Variants in UNC5D observed in about 807,000 individuals in gnomAD.
UNC5D encodes netrin receptor UNC5D.
Under a neutral mutation model 105.4 loss-of-function variants are expected in UNC5D, and 39 were observed. The ratio of observed to expected loss-of-function variants is 0.37; its 90% CI spans 0.29 to 0.48. The LOEUF is 0.48. Ranked by LOEUF, UNC5D falls within the 20% of genes least tolerant of loss-of-function variation. The pLI, the probability that UNC5D is intolerant of heterozygous loss-of-function variation, is 0.98. For synonymous variants in UNC5D, 452 were observed against 450.4 expected (o/e 1.00, Z -0.04); for missense variants, 991 against 1,202.4 (o/e 0.82, Z 2.60).
intron 1 of UNC5D, among the ~76,000 whole-genome samples, chr8:35,431,487 T>C (rs1276985778): frequency 6.6e-6 from 1 of 152,094 alleles, no homozygotes; most frequent in Non-Finnish European, 1.5e-5. Flanking sequence ...GCTCCTTAAG[T>C]AAACAAAAAA....
chr8:35,685,191 T>C (rs1376416951), intron 6 of UNC5D, among the ~76,000 whole-genome samples: 13 of 152,230 alleles, frequency 8.5e-5, no homozygotes, highest in Non-Finnish European at 1.5e-5. Flanking sequence ...AATAACTTTA[T>C]CAGTTCTAGC....
chr8:35,385,655 C>T (rs1396742718), intron 1 of UNC5D, among the ~76,000 whole-genome samples: 1 of 151,806 alleles, frequency 6.6e-6, no homozygotes, highest in Non-Finnish European at 1.5e-5. Flanking sequence ...TTAATGGAGA[C>T]GGGGTTTCAC....
chr8:35,744,406 C>T (rs1829907106), intron 11 of UNC5D, among the ~76,000 whole-genome samples: 1 of 152,128 alleles, frequency 6.6e-6, no homozygotes, highest in Non-Finnish European at 1.5e-5. Flanking sequence ...TAAACTTTCA[C>T]CCAATAGGTT....
chr8:35,510,585 A>G (rs1812639419), intron 1 of UNC5D, among the ~76,000 whole-genome samples: 1 of 152,116 alleles, frequency 6.6e-6, no homozygotes, highest in African/African-American at 2.4e-5. Flanking sequence ...CCCTGAGACC[A>G]AGAAATATTT....
At chr8:35,728,095 A>AAAAAAAAAAAAAAAAATATATAT (rs34672872) in intron 10 of UNC5D, among the ~76,000 whole-genome samples, 1 of 110,366 alleles carries the variant, frequency 9.1e-6, no homozygotes, top group African/African-American at 5.5e-5. Flanking sequence ...AAAAAAAAAA[A>AAAAAAAAAAAAAAAAATATATAT]ATATATATAT....
intron 3 of UNC5D, among the ~76,000 whole-genome samples, chr8:35,570,033 T>C (rs1817613706): frequency 6.6e-6 from 1 of 152,212 alleles, no homozygotes; most frequent in Admixed American, 6.5e-5. Flanking sequence ...GCGACTTGCC[T>C]GCTGGAAACT....
intron 1 of UNC5D, among the ~76,000 whole-genome samples, chr8:35,338,513 A>G (rs1383933524): frequency 6.6e-6 from 1 of 152,044 alleles, no homozygotes; most frequent in Non-Finnish European, 1.5e-5. Context: ...GCCAAGGAGA[A>G]GTAGGTGTAT....
intron 4 of UNC5D, among the ~76,000 whole-genome samples, chr8:35,630,179 T>TTA (rs747302704): frequency 2.0e-5 from 3 of 152,220 alleles, no homozygotes; most frequent in Non-Finnish European, 4.4e-5. Flanking sequence ...ATACCGAACT[T>TTA]TACTTCTTGT....
intron 1 of UNC5D, among the ~76,000 whole-genome samples, chr8:35,464,426 C>T (rs1288974464): frequency 6.6e-6 from 1 of 152,182 alleles, no homozygotes; most frequent in East Asian, 1.9e-4. Flanking sequence ...GTGGTATTAT[C>T]ATCACCTGGA....
Position 35,722,402 on chromosome 8 carries a change from G to A in UNC5D, c.1303+7G>A, listed in dbSNP as rs374399407. The A allele has an allele frequency of 1.5e-4, 236 of 1,612,302 alleles. 1 individual carries two copies. The highest frequency in any genetic ancestry group is 1.7e-4 in the Admixed American group (10 of 59,954). ...TTCAAAACAGTCCGTCAAGGTCAGC[G>A]GCATAGGTCCCTCCACACCTCGTCC... On this transcript the variant is annotated splice_region_variant and intron_variant, in intron 9 of 16. Coordinates refer to ENST00000404895, the MANE Select transcript of UNC5D (RefSeq NM_080872.4).
chr8:35,256,981 T>C (rs1227533142), intron 1 of UNC5D, among the ~76,000 whole-genome samples: 1 of 151,064 alleles, frequency 6.6e-6, no homozygotes, highest in Non-Finnish European at 1.5e-5. Flanking sequence ...TTTTTGTTTT[T>C]TGTTTTTTTT....
chr8:35,266,743 G>A (rs1270479456), intron 1 of UNC5D, among the ~76,000 whole-genome samples: 2 of 152,150 alleles, frequency 1.3e-5, no homozygotes, highest in Non-Finnish European at 2.9e-5. Flanking sequence ...TCAAATGCAA[G>A]TTTCTTCACT....
intron 1 of UNC5D, among the ~76,000 whole-genome samples, chr8:35,406,975 T>C (rs1804847291): frequency 6.6e-6 from 1 of 152,184 alleles, no homozygotes; most frequent in Non-Finnish European, 1.5e-5. Context: ...TGAACTATCA[T>C]GTACAGACAT....
At chr8:35,595,906 T>C (rs1416879476) in intron 4 of UNC5D, among the ~76,000 whole-genome samples, 1 of 152,226 alleles carries the variant, frequency 6.6e-6, no homozygotes, top group African/African-American at 2.4e-5. Context: ...TGACCTGTCT[T>C]CTTGGTTCTG....
chr8:35,401,910 C>T (rs1167992480), intron 1 of UNC5D, among the ~76,000 whole-genome samples: 1 of 152,298 alleles, frequency 6.6e-6, no homozygotes, highest in Admixed American at 6.5e-5. Flanking sequence ...CTTTCATCTC[C>T]TGGACTGTGT....
At chr8:35,366,349 T>C (rs760662192) in intron 1 of UNC5D, among the ~76,000 whole-genome samples, 40 of 152,060 alleles carry the variant, frequency 2.6e-4, no homozygotes, top group Non-Finnish European at 4.7e-4. Flanking sequence ...GTGCATGCAC[T>C]TTACATGGAC....
At chr8:35,660,966 C>T (rs1396639412) in intron 4 of UNC5D, among the ~76,000 whole-genome samples, 1 of 152,026 alleles carries the variant, frequency 6.6e-6, no homozygotes, top group Non-Finnish European at 1.5e-5. Context: ...GGCATGGTGG[C>T]TTGTGCCTAC....
At chr8:35,310,678 TAAGGCAAAGCACA>T (rs1234659242) in intron 1 of UNC5D, among the ~76,000 whole-genome samples, 32 of 152,238 alleles carry the variant, frequency 2.1e-4, no homozygotes, top group African/African-American at 7.2e-4. Context: ...CAAAGCTCTG[TAAGGCAAAGCACA>T]TTCTAGATAG....
chr8:35,254,937 T>A (rs1455895268), intron 1 of UNC5D: 2 of 152,208 alleles, frequency 1.3e-5, no homozygotes, highest in African/African-American at 4.8e-5. Flanking sequence ...AAATTTCAAA[T>A]GAGCTTATAA....
Sources: allele counts gnomAD v4.1 joint callset (sites outside exome capture counted in the v4.1 genomes callset), GRCh38; gene constraint gnomAD v4.1.1; transcripts MANE v1.5; gene names NCBI Gene and HGNC (gene_info 2026-07-23, HGNC 2026-07-21).